CNTNAP2: variants seen among roughly 807,000 people sequenced by gnomAD.
CNTNAP2 encodes the protein contactin-associated protein-like 2.
A neutral mutation model predicts 155.2 loss-of-function variants in CNTNAP2; 98 were observed. The observed-to-expected ratio is 0.63, with a 90% CI of 0.54 to 0.75. The LOEUF is 0.75. Among genes scored for constraint, CNTNAP2 ranks in the 30% least tolerant of loss-of-function variants. The probability of loss-of-function intolerance (pLI) is 0.00; values close to 1 mark genes in which losing one functional copy is unlikely to be tolerated. For missense variants in CNTNAP2, 1,727 were observed against 1,688.1 expected (o/e 1.02, Z -0.40); for synonymous variants, 651 against 631.2 (o/e 1.03, Z -0.47).
chr7:146,393,169 G>A (rs1464504263), intron 1 of CNTNAP2, among the ~76,000 whole-genome samples: 2 of 152,156 alleles, frequency 1.3e-5, no homozygotes, highest in Admixed American at 6.5e-5. Context: ...TAGGCTAACA[G>A]CATCTGTACT....
At chr7:147,157,308 ATCT>A (rs1481688223) in intron 8 of CNTNAP2, among the ~76,000 whole-genome samples, 2 of 152,132 alleles carry the variant, frequency 1.3e-5, no homozygotes, top group African/African-American at 4.8e-5. Flanking sequence ...GAAGTTCCAC[ATCT>A]TCTTCCCTGA....
At chr7:146,229,115 A>T (rs802542) in intron 1 of CNTNAP2, among the ~76,000 whole-genome samples, 1 of 152,036 alleles carries the variant, frequency 6.6e-6, no homozygotes, top group East Asian at 1.9e-4. Context: ...AACAAAAAAG[A>T]GTAGCAAATT....
intron 1 of CNTNAP2, among the ~76,000 whole-genome samples, chr7:146,635,222 T>G (rs1176108348): frequency 6.6e-6 from 1 of 152,210 alleles, no homozygotes; most frequent in East Asian, 1.9e-4. Context: ...TATAAAAATC[T>G]AATCATTATT....
rs1803225130 is a variant in CNTNAP2, at chr7:146,818,947, A to C, written c.209-20764A>C. Among the ~76,000 whole-genome samples the C allele has an allele frequency of 2.0e-5, 3 of 152,130 alleles. 1 individual carries two copies. In the South Asian group the frequency reaches 6.2e-4, roughly 31 times the overall value. On this transcript the variant is annotated intron_variant, in intron 2 of 23. Coordinates refer to ENST00000361727, the MANE Select transcript of CNTNAP2 (RefSeq NM_014141.6). ...TATTCATTAAGGTAGGTAAATTTTTAAATAATGATAAATATAATACAAAAA... is the reference window on the plus strand; with the variant it reads ...TATTCATTAAGGTAGGTAAATTTTTCAATAATGATAAATATAATACAAAAA...
chr7:147,554,196 A>C (rs559113188), intron 11 of CNTNAP2, among the ~76,000 whole-genome samples: 8 of 152,292 alleles, frequency 5.3e-5, no homozygotes, highest in Non-Finnish European at 1.2e-4. Context: ...CCCTGAATAA[A>C]ATACAAGTAG....
At position 147,705,138 on chromosome 7, in the gene CNTNAP2, T is replaced by C. The variant is rs578102271; in HGVS notation, c.2098+65832T>C. Among the ~76,000 whole-genome samples the C allele has an allele frequency of 1.0e-4, 15 of 150,636 alleles. No individual in the cohort carries two copies. In the South Asian group the frequency reaches 3.2e-3, roughly 32 times the overall value. ...GATTGTTCTTGTTTCTCTAGTTTCTTGAGGTGCATTAGATTGTTTATTGAA... is the reference window on the plus strand; with the variant it reads ...GATTGTTCTTGTTTCTCTAGTTTCTCGAGGTGCATTAGATTGTTTATTGAA... On this transcript the variant is annotated intron_variant, in intron 13 of 23. Transcript: ENST00000361727.
chr7:146,622,279 CTATA>C lies in CNTNAP2; in HGVS notation c.98-151982_98-151979del, dbSNP rs3077441. Among the ~76,000 whole-genome samples the C allele has an allele frequency of 4.1e-3, 415 of 100,566 alleles. 7 individuals carry two copies. The highest frequency in any genetic ancestry group is 0.017 in the African/African-American group (384 of 22,474). The allele number at this position is 100,566 out of a possible 152,430, so 66.0% of individuals were successfully genotyped here. On this transcript the variant is annotated intron_variant, in intron 1 of 23. Coordinates refer to ENST00000361727, the MANE Select transcript of CNTNAP2 (RefSeq NM_014141.6). ...TCTATCTATCTATCTATCTATCTAT[CTATA>C]TATATATATGTTTTAGCTTGTATAT...
intron 11 of CNTNAP2, among the ~76,000 whole-genome samples, chr7:147,511,061 C>G (rs1437289506): frequency 6.6e-6 from 1 of 151,490 alleles, no homozygotes; most frequent in Non-Finnish European, 1.5e-5. Context: ...GGCACCATCC[C>G]TTCTGATTCA....
chr7:148,105,502 A>G (rs1804189016), intron 15 of CNTNAP2, among the ~76,000 whole-genome samples: 1 of 152,118 alleles, frequency 6.6e-6, no homozygotes. Flanking sequence ...TTGCAATACT[A>G]TATATTCTGC....
At position 146,638,486 on chromosome 7, in the gene CNTNAP2, T is replaced by TTC. The variant is rs1799644958; in HGVS notation, c.98-135784_98-135783insCT. ...TACAGTCAGGTGTTTCTTTTTTTTT[T>TTC]TTTTTTTTTTTTCTTTGAGATGGAG... On this transcript the variant is annotated intron_variant, in intron 1 of 23. Transcript: ENST00000361727. Among the ~76,000 whole-genome samples the TTC allele has an allele frequency of 2.6e-5, 3 of 115,896 alleles. 1 individual carries two copies. In the South Asian group the frequency reaches 1.1e-3, roughly 41 times the overall value. 76.0% of individuals were successfully genotyped at this position (115,896 alleles called of 152,430 possible). A position where few individuals can be genotyped will look rare whatever the true frequency, so the allele number is the denominator to read the frequency against.
intron 21 of CNTNAP2, among the ~76,000 whole-genome samples, chr7:148,330,030 C>T (rs555297021): frequency 1.3e-5 from 2 of 152,138 alleles, no homozygotes; most frequent in South Asian, 4.1e-4. Flanking sequence ...CAGATTGAGA[C>T]ACAAATGGAT....
intron 1 of CNTNAP2, among the ~76,000 whole-genome samples, chr7:146,640,788 A>T (rs1799691599): frequency 6.6e-6 from 1 of 152,146 alleles, no homozygotes. Flanking sequence ...CCAGTGTTTG[A>T]AGGATGAATT....
Position 146,527,488 on chromosome 7 carries a change from A to G in CNTNAP2, c.98-246783A>G, listed in dbSNP as rs571650435. Among the ~76,000 whole-genome samples, 30 of 150,196 alleles carry G rather than the reference A, an allele frequency of 2.0e-4. No homozygotes were observed. The South Asian group carries it at 4.0e-3, about 20-fold the overall frequency. On this transcript the variant is annotated intron_variant, in intron 1 of 23. Transcript: ENST00000361727. The stretch of plus-strand genomic sequence containing the variant: ...GGGGACCAGTTGAATATCAGGCTCA[A>G]TGTCATATGTCTGGAATTTATCTTT...
intron 12 of CNTNAP2, among the ~76,000 whole-genome samples, chr7:147,613,044 T>A (rs1231490337): frequency 1.3e-5 from 2 of 152,316 alleles, no homozygotes; most frequent in Middle Eastern, 3.4e-3. Flanking sequence ...TAGAAATAAT[T>A]ATTATTATGG....
chr7:146,891,200 C>T (rs1795768786), intron 3 of CNTNAP2, among the ~76,000 whole-genome samples: 1 of 152,044 alleles, frequency 6.6e-6, no homozygotes, highest in African/African-American at 2.4e-5. Context: ...GCATTGGGTA[C>T]ACTTCAACAT....
intron 13 of CNTNAP2, among the ~76,000 whole-genome samples, chr7:147,647,852 C>A (rs192194355): frequency 2.0e-5 from 3 of 152,150 alleles, no homozygotes; most frequent in Non-Finnish European, 4.4e-5. Flanking sequence ...GGGTATTTAA[C>A]AATAAACAGG....
chr7:146,736,087 G>A (rs1801615027), intron 1 of CNTNAP2, among the ~76,000 whole-genome samples: 1 of 152,058 alleles, frequency 6.6e-6, no homozygotes, highest in Non-Finnish European at 1.5e-5. Context: ...TAACTCATAA[G>A]AATACAATAT....
intron 1 of CNTNAP2, among the ~76,000 whole-genome samples, chr7:146,361,586 T>A (rs1429053109): frequency 6.6e-6 from 1 of 152,200 alleles, no homozygotes; most frequent in Non-Finnish European, 1.5e-5. Flanking sequence ...AATTGCTAAA[T>A]GGTACCCCAC....
intron 3 of CNTNAP2, among the ~76,000 whole-genome samples, chr7:146,863,993 T>C (rs1795153837): frequency 6.6e-6 from 1 of 152,130 alleles, no homozygotes; most frequent in African/African-American, 2.4e-5. Context: ...TGTTTTCTTC[T>C]TCAGTTTTAT....
Sources: gnomAD v4.1 joint callset for allele counts (sites outside exome capture counted in the v4.1 genomes callset) on GRCh38, gnomAD v4.1.1 for gene constraint, MANE v1.5 for transcripts, NCBI Gene and HGNC (gene_info 2026-07-23, HGNC 2026-07-21) for gene names.